ALPK3: variants seen among roughly 807,000 people sequenced by gnomAD.
The protein encoded by ALPK3 is alpha kinase 3, also known as alpha-protein kinase 3.
Under a neutral mutation model 140.0 loss-of-function variants are expected in ALPK3, and 102 were observed. That is an observed-to-expected ratio of 0.73 (90% CI 0.62 to 0.86). The LOEUF is 0.86. Among genes scored for constraint, ALPK3 ranks in the 40% least tolerant of loss-of-function variants. The pLI is 0.00. For missense variants in ALPK3, 2,254 were observed against 2,208.2 expected, an observed-to-expected ratio of 1.02 and a Z score of -0.42; for synonymous variants, 938 against 898.5, an observed-to-expected ratio of 1.04 and a Z score of -0.79.
intron 3 of ALPK3, among the ~76,000 whole-genome samples, chr15:84,829,295 T>C (rs1292065131): frequency 6.6e-6 from 1 of 152,254 alleles, no homozygotes; most frequent in Non-Finnish European, 1.5e-5. Context: ...CCTGAACTTA[T>C]CTTCTTCATA....
At chr15:84,832,804 G>C (rs1187262704) in intron 3 of ALPK3, among the ~76,000 whole-genome samples, 3 of 152,138 alleles carry the variant, frequency 2.0e-5, no homozygotes, top group Non-Finnish European at 4.4e-5. Flanking sequence ...CCACAGCTTT[G>C]GTACCTTGGT....
intron 4 of ALPK3, among the ~76,000 whole-genome samples, 161 bp downstream of exon 4, chr15:84,839,258 A>G (rs1963629549): frequency 6.6e-6 from 1 of 152,248 alleles, no homozygotes; most frequent in African/African-American, 2.4e-5. Context: ...GGTGAACCAC[A>G]TCTGCCTTCC....
In ALPK3 at chr15:84,857,985, C is replaced by A. The variant is rs1464746410; in HGVS notation, c.3247C>A (p.Leu1083Met). 1 of 1,602,538 alleles carries A rather than the reference C, an allele frequency of 6.2e-7. No individual in the cohort carries two copies. Among genetic ancestry groups the A allele is most frequent in the Admixed American group, 1.7e-5 (1 of 58,180 alleles). The change falls in exon 6 of 14, where the codon CTG becomes ATG. Residue 1083 changes from leucine to methionine, a missense_variant. By Grantham distance (15) the Leu-to-Met change is conservative. This residue lies in a region of ALPK3 where 2,088 missense variants were observed against 2,022.9 expected (regional missense o/e 1.03). Transcript: ENST00000258888. ...AIVVDEEDPG[L>M]ASEGASEGEG... ...TGTGGTAGACGAGGAGGACCCTGGG[C>A]TGGCCTCAGAAGGAGCCAGTGAGGG...
At chr15:84,818,895 C>T (rs758648791) in intron 1 of ALPK3, among the ~76,000 whole-genome samples, 6 of 152,216 alleles carry the variant, frequency 3.9e-5, no homozygotes, top group Non-Finnish European at 5.9e-5. Flanking sequence ...TTATTCCAGT[C>T]CTTAGAGAAG....
intron 5 of ALPK3, among the ~76,000 whole-genome samples, chr15:84,841,592 G>C (rs559511821): frequency 5.9e-5 from 9 of 152,338 alleles, no homozygotes; most frequent in African/African-American, 1.9e-4. Context: ...GTGGGAAACA[G>C]AGGCAAAGTG....
intron 12 of ALPK3, among the ~76,000 whole-genome samples, chr15:84,865,459 TG>T (rs1299656303): frequency 6.6e-6 from 1 of 152,050 alleles, no homozygotes; most frequent in African/African-American, 2.4e-5. Flanking sequence ...CTCCATATAC[TG>T]GGGGGAGGGC....
chr15:84,863,745 A>G (rs1013805589), intron 11 of ALPK3, 105 bp downstream of exon 11: 2 of 1,082,436 alleles, frequency 1.8e-6, no homozygotes, highest in Non-Finnish European at 2.6e-6. Context: ...CGTTATGCCC[A>G]TGTGCAAATA....
chr15:84,835,416 G>A (rs1475330452), intron 3 of ALPK3, among the ~76,000 whole-genome samples: 1 of 152,066 alleles, frequency 6.6e-6, no homozygotes, highest in East Asian at 1.9e-4. Flanking sequence ...TCTCATGTTG[G>A]GGTTCCCTTG....
intron 5 of ALPK3, among the ~76,000 whole-genome samples, chr15:84,847,206 G>A (rs72753058): frequency 0.14 from 9,630 of 67,494 alleles, 601 homozygotes; most frequent in Non-Finnish European, 0.16. Context: ...AGGGAGAAAC[G>A]GGGAGAGAGA....
intron 3 of ALPK3, among the ~76,000 whole-genome samples, chr15:84,833,488 A>C (rs1235016506): frequency 1.3e-5 from 2 of 152,212 alleles, no homozygotes; most frequent in Non-Finnish European, 2.9e-5. Context: ...TCTAGTCTGG[A>C]GAGGTGGAAG....
At chr15:84,851,889 TG>T (rs1271378417) in intron 5 of ALPK3, among the ~76,000 whole-genome samples, 1 of 152,186 alleles carries the variant, frequency 6.6e-6, no homozygotes, top group Non-Finnish European at 1.5e-5. Flanking sequence ...ATGGAATTTT[TG>T]GGTTAAAGAG....
chr15:84,867,989 C>A, intron 13 of ALPK3, 122 bp from the exon 14 acceptor site: 2 of 1,005,040 alleles, frequency 2.0e-6, no homozygotes, highest in Non-Finnish European at 1.5e-6. Context: ...CCCCATCACC[C>A]TCAGATAAGG....
At chr15:84,849,308 A>T (rs1596152720) in intron 5 of ALPK3, among the ~76,000 whole-genome samples, 1 of 152,302 alleles carries the variant, frequency 6.6e-6, no homozygotes, top group East Asian at 1.9e-4. Context: ...AGAAAACAAT[A>T]ATTATAGTTG....
Position 84,858,455 on chromosome 15 carries a change from C to T in ALPK3, c.3717C>T (p.Gly1239=). The T allele has an allele frequency of 6.4e-7, 1 of 1,568,036 alleles. No homozygotes were observed. Among genetic ancestry groups the T allele is most frequent in the Non-Finnish European group, 8.6e-7 (1 of 1,160,748 alleles). The part of the protein sequence containing the change: ...AEEELAAGDL[G]PSPKAGGLDT... ...AGGAGCTGGCGGCAGGAGACCTGGG[C>T]CCCAGCCCCAAGGCCGGCGGTCTGG... Residue 1239 remains glycine (G), a synonymous_variant, in exon 6 of 14, where the codon GGC becomes GGT. Coordinates refer to ENST00000258888, the MANE Select transcript of ALPK3 (RefSeq NM_020778.5).
chr15:84,857,954 T>A lies in ALPK3; in HGVS notation c.3216T>A (p.Pro1072=). The change falls in exon 6 of 14, where the codon CCT becomes CCA. Residue 1072 remains proline, a synonymous_variant. Transcript: ENST00000258888. ...WGPGPSSLTV[P]AIVVDEEDPG... is the part of the protein sequence containing the mutation. ...CTGGTCCCAGCTCCCTCACTGTCCC[T>A]GCCATTGTGGTAGACGAGGAGGACC... The A allele has an allele frequency of 6.2e-7, 1 of 1,609,636 alleles. No individual in the cohort carries two copies. The highest frequency in any genetic ancestry group is 2.2e-5 in the East Asian group (1 of 44,776).
chr15:84,872,101 A>G lies in ALPK3; in HGVS notation c.*3645A>G, dbSNP rs1395150109. 1.3e-5 allele frequency: 2 copies of G among 152,394 alleles called. No individual in the cohort carries two copies. Among genetic ancestry groups the G allele is most frequent in the South Asian group, 2.1e-4 (1 of 4,830 alleles). 9.4% of individuals were successfully genotyped at this position (152,394 alleles called of 1,614,324 possible). A position where few individuals can be genotyped will look rare whatever the true frequency, so the allele number is the denominator to read the frequency against. On this transcript the variant is annotated 3_prime_UTR_variant, in exon 14 of 14. Coordinates refer to ENST00000258888, the MANE Select transcript of ALPK3 (RefSeq NM_020778.5). ...AGCCTGGAGCGACAGTGTACCGTTGATAATGGAACGCACTGGCCATGCCAG... is the reference window on the plus strand; with the variant it reads ...AGCCTGGAGCGACAGTGTACCGTTGGTAATGGAACGCACTGGCCATGCCAG...
At chr15:84,834,086 T>C (rs1477935544) in intron 3 of ALPK3, among the ~76,000 whole-genome samples, 1 of 152,114 alleles carries the variant, frequency 6.6e-6, no homozygotes, top group Non-Finnish European at 1.5e-5. Context: ...AACAGGACCA[T>C]GTTCCTGAAG....
Position 84,857,249 on chromosome 15 carries a change from G to C in ALPK3, c.2511G>C (p.Gln837His). The C allele has an allele frequency of 3.1e-6, 5 of 1,614,090 alleles. No individual in the cohort carries two copies. The highest frequency in any genetic ancestry group is 4.2e-6 in the Non-Finnish European group (5 of 1,179,978). Residue 837 changes from glutamine to histidine, a missense_variant, in exon 6 of 14, where the codon CAG (glutamine) becomes CAC (histidine). By Grantham distance (24) the Gln-to-His change is conservative (BLOSUM62 0). Transcript: ENST00000258888. ...CCAAGCAGGAGGACAGCCCGTTCCA[G>C]TGCCCCAAGGAGGAGCGGCCAGGGG... ...VEAKQEDSPF[Q>H]CPKEERPGGV... is the part of the protein sequence containing the mutation.
rs558633439 is a variant in ALPK3 at position 84,850,628 on chromosome 15, TCTC to T, written c.1654-5761_1654-5759del. 2.8e-3 allele frequency among the ~76,000 whole-genome samples: 420 copies of T among 152,062 alleles called. 1 individual carries two copies. The highest frequency in any genetic ancestry group is 8.3e-3 in the African/African-American group (346 of 41,482). On this transcript the variant is annotated intron_variant, in intron 5 of 13. Coordinates refer to ENST00000258888, the MANE Select transcript of ALPK3 (RefSeq NM_020778.5). ...TTTTGAACTTTGGGCCTCAAGCAAT[TCTC>T]CTACAATGGCTTCCCAAAGCACTGG...
Sources: allele counts gnomAD v4.1 joint callset (sites outside exome capture counted in the v4.1 genomes callset), GRCh38; gene constraint gnomAD v4.1.1; regional missense constraint gnomAD v4.1.1; transcripts MANE v1.5; gene names NCBI Gene and HGNC (gene_info 2026-07-23, HGNC 2026-07-21).